The following KCNMA1 variants were observed in gnomAD, a reference collection of about 807,000 sequenced individuals.
KCNMA1 encodes the protein potassium calcium-activated channel subfamily M alpha 1.
A neutral mutation model predicts 140.0 loss-of-function variants in KCNMA1; 29 were observed. The ratio of observed to expected loss-of-function variants is 0.21; its 90% confidence interval spans 0.15 to 0.28. The LOEUF (loss-of-function observed/expected upper bound fraction) is 0.28, where lower values mean the gene tolerates loss of function less well. KCNMA1 is among the 10% of genes least tolerant of loss of function. The probability of loss-of-function intolerance (pLI) is 1.00; values close to 1 mark genes in which losing one functional copy is unlikely to be tolerated. For synonymous variants in KCNMA1, 612 were observed against 611.9 expected (o/e 1.00, Z 0.00); for missense variants, 880 against 1,602.2 (o/e 0.55, Z 7.70).
intron 2 of KCNMA1, among the ~76,000 whole-genome samples, chr10:77,368,320 T>C (rs2094488257): frequency 6.6e-6 from 1 of 152,230 alleles, no homozygotes; most frequent in Non-Finnish European, 1.5e-5. Context: ...TCTGAGCTTA[T>C]TTGCCATCCA....
At chr10:77,550,189 G>A (rs776588748) in intron 1 of KCNMA1, among the ~76,000 whole-genome samples, 25 of 152,286 alleles carry the variant, frequency 1.6e-4, no homozygotes, top group South Asian at 2.1e-4. Flanking sequence ...AGACAGGAGC[G>A]CACTGGATGG....
chr10:77,203,032 T>G (rs1432367560), intron 3 of KCNMA1, among the ~76,000 whole-genome samples: 1 of 152,222 alleles, frequency 6.6e-6, no homozygotes, highest in East Asian at 1.9e-4. Context: ...AAATAGAAGA[T>G]GTGTCACTGC....
At chr10:77,165,580 T>G (rs1358117660) in intron 5 of KCNMA1, among the ~76,000 whole-genome samples, 1 of 152,210 alleles carries the variant, frequency 6.6e-6, no homozygotes, top group East Asian at 1.9e-4. Flanking sequence ...GTCCTTTATT[T>G]TAGTGAAAAC....
intron 1 of KCNMA1, among the ~76,000 whole-genome samples, chr10:77,422,616 T>G (rs1019680897): frequency 6.6e-6 from 1 of 152,200 alleles, no homozygotes; most frequent in Non-Finnish European, 1.5e-5. Flanking sequence ...CCTGTGAAGG[T>G]AAGCCTTATT....
intron 16 of KCNMA1, chr10:77,025,360 T>G (rs2093352745): frequency 3.8e-6 from 4 of 1,060,156 alleles, no homozygotes; most frequent in Non-Finnish European, 5.6e-6. Context: ...TCTCTCTTCT[T>G]GAATTCTTGG....
chr10:77,190,523 G>C (rs762060835), intron 3 of KCNMA1, among the ~76,000 whole-genome samples: 5 of 152,158 alleles, frequency 3.3e-5, no homozygotes, highest in Non-Finnish European at 7.4e-5. Context: ...ATAAGACATA[G>C]TGTCTGCTAT....
intron 19 of KCNMA1, among the ~76,000 whole-genome samples, chr10:76,987,861 C>T (rs188603370): frequency 5.5e-4 from 84 of 152,236 alleles, no homozygotes; most frequent in African/African-American, 1.8e-3. Flanking sequence ...TCTTAAAAAA[C>T]AAGGAACCAT....
intron 23 of KCNMA1, among the ~76,000 whole-genome samples, chr10:76,937,992 T>C (rs571838268): frequency 3.3e-5 from 5 of 152,166 alleles, no homozygotes; most frequent in East Asian, 3.9e-4. Context: ...AGTGGACATA[T>C]GTCTTGGGTT....
At chr10:77,488,131 C>T (rs975408119) in intron 1 of KCNMA1, among the ~76,000 whole-genome samples, 4 of 152,194 alleles carry the variant, frequency 2.6e-5, no homozygotes, top group African/African-American at 9.7e-5. Context: ...CCAACGATGT[C>T]GACAAGATGG....
chr10:76,993,368 T>A (rs2083306161), intron 19 of KCNMA1, among the ~76,000 whole-genome samples: 2 of 152,080 alleles, frequency 1.3e-5, no homozygotes, highest in Admixed American at 1.3e-4. Context: ...CTTCCTCCAA[T>A]AAGAAGGAAA....
intron 3 of KCNMA1, among the ~76,000 whole-genome samples, chr10:77,247,946 G>T (rs1042330246): frequency 5.3e-5 from 8 of 152,118 alleles, no homozygotes; most frequent in Non-Finnish European, 4.4e-5. Context: ...CTACACAAAT[G>T]AGTCTTCCCT....
chr10:77,523,625 T>C (rs1442492658), intron 1 of KCNMA1, among the ~76,000 whole-genome samples: 2 of 152,276 alleles, frequency 1.3e-5, no homozygotes, highest in Admixed American at 1.3e-4. Context: ...AAAGCAGCTA[T>C]GTTTCTTGAT....
chr10:77,008,726 T>C (rs1269144884), intron 18 of KCNMA1, among the ~76,000 whole-genome samples: 1 of 152,206 alleles, frequency 6.6e-6, no homozygotes, highest in Non-Finnish European at 1.5e-5. Flanking sequence ...TCTGCCCTCA[T>C]GGGATCTACC....
chr10:76,930,203 G>T, intron 23 of KCNMA1: 1 of 152,128 alleles, frequency 6.6e-6, no homozygotes, highest in Non-Finnish European at 1.5e-5. Flanking sequence ...TACTGAACGG[G>T]AGAAAATATT....
chr10:77,539,375 C>A (rs963517446), intron 1 of KCNMA1, among the ~76,000 whole-genome samples: 5 of 152,178 alleles, frequency 3.3e-5, no homozygotes, highest in Non-Finnish European at 7.3e-5. Flanking sequence ...AAAATACCTG[C>A]AATTCTAGTT....
chr10:77,159,386 C>T (rs923288289), intron 5 of KCNMA1, among the ~76,000 whole-genome samples: 2 of 152,002 alleles, frequency 1.3e-5, no homozygotes, highest in African/African-American at 4.8e-5. Flanking sequence ...GATAGATGTT[C>T]CCTCAGCCTT....
intron 19 of KCNMA1, among the ~76,000 whole-genome samples, chr10:76,971,749 T>G (rs1224726874): frequency 6.6e-6 from 1 of 152,030 alleles, no homozygotes; most frequent in African/African-American, 2.4e-5. Flanking sequence ...TTATCAGAAA[T>G]GAGTATCCAA....
chr10:77,048,958 G>T (rs1397898402), intron 14 of KCNMA1, among the ~76,000 whole-genome samples: 3 of 152,048 alleles, frequency 2.0e-5, no homozygotes, highest in Admixed American at 6.5e-5. Flanking sequence ...TAGAGATGGG[G>T]TTTCACTGTG....
At chr10:77,636,343 G>A (rs2093722639) in intron 1 of KCNMA1, 1 of 1,528,980 alleles carries the variant, frequency 6.5e-7, no homozygotes, top group Non-Finnish European at 8.8e-7. Context: ...TACATCGAAG[G>A]TGTCGCCAGC....
Sources: allele counts gnomAD v4.1 joint callset (sites outside exome capture counted in the v4.1 genomes callset), GRCh38; gene constraint gnomAD v4.1.1; transcripts MANE v1.5; gene names NCBI Gene and HGNC (gene_info 2026-07-23, HGNC 2026-07-21).